The following ZEB1 variants were observed in gnomAD, a reference collection of about 807,000 sequenced individuals.
ZEB1 encodes zinc finger E-box-binding homeobox 1.
In ZEB1, 21 loss-of-function variants were observed where a neutral mutation model predicts 84.9. The ratio of observed to expected loss-of-function variants is 0.25; its 90% CI spans 0.18 to 0.36. The LOEUF is 0.36. ZEB1 is among the 10% of genes least tolerant of loss of function. The probability of loss-of-function intolerance (pLI) is 1.00; values close to 1 mark genes in which losing one functional copy is unlikely to be tolerated. For missense variants in ZEB1, 1,104 were observed against 1,330.2 expected, an observed-to-expected ratio of 0.83 and a Z score of 2.65; for synonymous variants, 420 against 471.1, an observed-to-expected ratio of 0.89 and a Z score of 1.41.
At chr10:31,319,619 C>A in intron 1 of ZEB1, 1 of 344,408 alleles carries the variant, frequency 2.9e-6, no homozygotes, top group Non-Finnish European at 5.2e-6. Flanking sequence ...GCGGCCGGGA[C>A]GCACTGGCCA....
chr10:31,412,815 A>G (rs2054547487), intron 1 of ZEB1, among the ~76,000 whole-genome samples: 1 of 152,214 alleles, frequency 6.6e-6, no homozygotes, highest in African/African-American at 2.4e-5. Context: ...ATCAGAAAGC[A>G]TCTGGCTGAA....
rs1565199962 is a variant in ZEB1, at chr10:31,520,307, A to G, written c.975A>G (p.Thr325=). 6.2e-7 allele frequency: 1 copy of G among 1,614,014 alleles called. No homozygotes were observed. The highest frequency in any genetic ancestry group is 8.5e-7 in the Non-Finnish European group (1 of 1,179,920). The change falls in exon 7 of 9, where the codon ACA becomes ACG. Residue 325 remains threonine, a synonymous_variant. Coordinates refer to ENST00000424869, the MANE Select transcript of ZEB1 (RefSeq NM_001174096.2). This position sits in a 1 kb window ranked among gnomAD's most constrained non-coding sequence, Gnocchi z 5.1. Reference sequence around the variant, plus strand: ...TTTCAGCATCACCAGGCAGTCCCACACGACCACAGATACGGCAAAAGATAG... The same window carrying G: ...TTTCAGCATCACCAGGCAGTCCCACGCGACCACAGATACGGCAAAAGATAG... ...PSLSASPGSP[T]RPQIRQKIEN... is the part of the protein sequence containing the mutation.
chr10:31,521,061 G>GCTA lies in ZEB1; in HGVS notation c.1732_1734dup (p.Thr578dup). ...GAAGCCTGAGTCCTCTGTTTCATCAGCTACTGGAGATGGCAATTTGTCTCC... is the reference window on the plus strand; with the variant it reads ...GAAGCCTGAGTCCTCTGTTTCATCAGCTACTACTGGAGATGGCAATTTGTCTCC... On this transcript the variant is annotated inframe_insertion, in exon 7 of 9. Transcript: ENST00000424869. 1 of 1,614,038 alleles carries GCTA rather than the reference G, an allele frequency of 6.2e-7. No individual in the cohort carries two copies. The highest frequency in any genetic ancestry group is 8.5e-7 in the Non-Finnish European group (1 of 1,179,984).
chr10:31,444,479 G>GT (rs2059492126), intron 1 of ZEB1, among the ~76,000 whole-genome samples: 1 of 151,880 alleles, frequency 6.6e-6, no homozygotes, highest in Admixed American at 6.6e-5. Flanking sequence ...TAGACATGAA[G>GT]TCCTTGCCCA....
chr10:31,364,354 G>A (rs879270828), intron 1 of ZEB1, among the ~76,000 whole-genome samples: 7 of 152,224 alleles, frequency 4.6e-5, no homozygotes, highest in African/African-American at 7.2e-5. Context: ...GGCTGTTGGG[G>A]GTGCGAGGCT....
intron 2 of ZEB1, among the ~76,000 whole-genome samples, chr10:31,461,648 G>T (rs566161677): frequency 6.6e-6 from 1 of 152,172 alleles, no homozygotes; most frequent in South Asian, 2.1e-4. Context: ...TTTAGTGCTT[G>T]TAAACCTCTC....
rs749031994 is a variant in ZEB1, at chr10:31,502,349, A to G, written c.324A>G (p.Val108=). Reference sequence around the variant, plus strand: ...CTTAAAAGTATGCATTTTTTTTAGTAAAAGATGATGAATGCGAGTCAGATG... The same window carrying G: ...CTTAAAAGTATGCATTTTTTTTAGTGAAAGATGATGAATGCGAGTCAGATG... ...EAQADEAGCT[V]KDDECESDAE... Residue 108 remains valine, a splice_region_variant and synonymous_variant, in exon 4 of 9, where the codon GTA becomes GTG. Transcript: ENST00000424869. The G allele has an allele frequency of 1.2e-6, 2 of 1,613,546 alleles. No homozygotes were observed. The highest frequency in any genetic ancestry group is 1.7e-4 in the Middle Eastern group (1 of 6,060).
chr10:31,514,734 C>G (rs1425396695), intron 6 of ZEB1, 26 bp downstream of exon 6: 6 of 1,527,670 alleles, frequency 3.9e-6, no homozygotes, highest in Non-Finnish European at 5.4e-6. Flanking sequence ...CTTTCTATAC[C>G]CTGAATATCA....
chr10:31,327,790 T>C (rs1272967871), intron 1 of ZEB1, among the ~76,000 whole-genome samples: 1 of 152,228 alleles, frequency 6.6e-6, no homozygotes, highest in African/African-American at 2.4e-5. Context: ...AAGAACTATT[T>C]TCTCACGTTT....
At chr10:31,416,742 G>A (rs1335679365) in intron 1 of ZEB1, among the ~76,000 whole-genome samples, 1 of 152,086 alleles carries the variant, frequency 6.6e-6, no homozygotes, top group Non-Finnish European at 1.5e-5. Flanking sequence ...TGCACATTTT[G>A]TATTTAATCC....
chr10:31,475,167 A>G (rs919506781), intron 2 of ZEB1, among the ~76,000 whole-genome samples: 1 of 152,114 alleles, frequency 6.6e-6, no homozygotes, highest in Non-Finnish European at 1.5e-5. Flanking sequence ...ATATGTAACT[A>G]ACCTGCACAA....
chr10:31,407,803 A>T (rs1193742044), intron 1 of ZEB1, among the ~76,000 whole-genome samples: 1 of 150,970 alleles, frequency 6.6e-6, no homozygotes, highest in African/African-American at 2.4e-5. Context: ...AATGGGCAAA[A>T]ACTGGAAGCA....
At chr10:31,370,652 G>A (rs1375692943) in intron 1 of ZEB1, among the ~76,000 whole-genome samples, 3 of 152,038 alleles carry the variant, frequency 2.0e-5, no homozygotes, top group Non-Finnish European at 4.4e-5. Context: ...TGAGGTGAAT[G>A]TCTGAAATTG....
intron 2 of ZEB1, among the ~76,000 whole-genome samples, chr10:31,485,843 A>G (rs988992838): frequency 1.3e-5 from 2 of 151,852 alleles, no homozygotes; most frequent in African/African-American, 4.8e-5. Context: ...AGGGCACAGA[A>G]CAGTTCCATC....
chr10:31,392,530 C>A (rs1195110699), intron 1 of ZEB1, among the ~76,000 whole-genome samples: 1 of 151,962 alleles, frequency 6.6e-6, no homozygotes, highest in Non-Finnish European at 1.5e-5. Flanking sequence ...TATAGTAGGA[C>A]TTTAGAAATG....
At chr10:31,464,025 G>T (rs1171954164) in intron 2 of ZEB1, among the ~76,000 whole-genome samples, 1 of 152,134 alleles carries the variant, frequency 6.6e-6, no homozygotes, top group Admixed American at 6.5e-5. Flanking sequence ...GCTATGATAT[G>T]ATAAAATAAA....
intron 1 of ZEB1, among the ~76,000 whole-genome samples, chr10:31,377,661 T>A (rs1174661079): frequency 6.6e-6 from 1 of 151,872 alleles, no homozygotes; most frequent in African/African-American, 2.4e-5. Flanking sequence ...CTAGTGTTTC[T>A]GCATCACTTT....
At chr10:31,440,879 A>G (rs1007887315) in intron 1 of ZEB1, among the ~76,000 whole-genome samples, 1 of 152,220 alleles carries the variant, frequency 6.6e-6, no homozygotes, top group Non-Finnish European at 1.5e-5. Flanking sequence ...AAGGAGAACT[A>G]CAAACCACTG....
At chr10:31,337,834 A>G (rs2038503391) in intron 1 of ZEB1, among the ~76,000 whole-genome samples, 1 of 151,382 alleles carries the variant, frequency 6.6e-6, no homozygotes, top group Non-Finnish European at 1.5e-5. Flanking sequence ...ACAGGCACCC[A>G]CCACCACGCT....
Sources: gnomAD v4.1 joint callset for allele counts (sites outside exome capture counted in the v4.1 genomes callset) on GRCh38, gnomAD v4.1.1 for gene constraint, Gnocchi (gnomAD v3.1) non-coding constraint, MANE v1.5 for transcripts, NCBI Gene and HGNC (gene_info 2026-07-23, HGNC 2026-07-21) for gene names.